The following PEBP4 variants were observed in gnomAD, a reference collection of about 807,000 sequenced individuals.
PEBP4 encodes phosphatidylethanolamine-binding protein 4.
Under a neutral mutation model 23.9 loss-of-function variants are expected in PEBP4, and 22 were observed. That is an observed-to-expected ratio of 0.92 (90% CI 0.66 to 1.31). The LOEUF is 1.31. Ranked by LOEUF, PEBP4 falls within the 40% of genes most tolerant of loss-of-function variation. The pLI is 0.00. For synonymous variants in PEBP4, 112 were observed against 99.3 expected (o/e 1.13, Z -0.76); for missense variants, 324 against 281.7 (o/e 1.15, Z -1.07).
chr8:22,772,698 C>T (rs185544299), intron 4 of PEBP4, among the ~76,000 whole-genome samples: 87 of 152,276 alleles, frequency 5.7e-4, no homozygotes, highest in Non-Finnish European at 1.0e-3. Flanking sequence ...GCGCAGGCCA[C>T]AGAGCTATGA....
upstream of PEBP4, among the ~76,000 whole-genome samples, chr8:22,930,088 G>T (rs1207000908): frequency 6.6e-6 from 1 of 152,116 alleles, no homozygotes; most frequent in East Asian, 1.9e-4. Context: ...CATTCCCTTT[G>T]CTCTTGGGAG....
At position 22,745,220 on chromosome 8, in the gene PEBP4, A is replaced by G. The variant is rs1251345052; in HGVS notation, c.358-18000T>C. Reference sequence around the variant, plus strand: ...GGCCTGGGGGCAGAAAGCTTTTGAGACAGGGACAGGCCACATTCTCCAGTG... The same window carrying G: ...GGCCTGGGGGCAGAAAGCTTTTGAGGCAGGGACAGGCCACATTCTCCAGTG... On this transcript the variant is annotated intron_variant, in intron 4 of 6. Transcript: ENST00000256404. Among the ~76,000 whole-genome samples the G allele has an allele frequency of 2.0e-5, 3 of 152,262 alleles. No individual in the cohort carries two copies. In the East Asian group the frequency reaches 5.8e-4, roughly 29 times the overall value.
chr8:22,785,261 C>T (rs1806005523), intron 4 of PEBP4, among the ~76,000 whole-genome samples: 1 of 152,176 alleles, frequency 6.6e-6, no homozygotes, highest in Non-Finnish European at 1.5e-5. Flanking sequence ...GCCGTTGGCC[C>T]TCAGCTGTCT....
At chr8:22,909,611 A>C (rs777683143) in intron 3 of PEBP4, among the ~76,000 whole-genome samples, 2 of 152,078 alleles carry the variant, frequency 1.3e-5, no homozygotes, top group Non-Finnish European at 2.9e-5. Flanking sequence ...AGTCCCTGGA[A>C]ACACCTCAGG....
intron 3 of PEBP4, among the ~76,000 whole-genome samples, chr8:22,836,468 CAT>C (rs1190716530): frequency 6.6e-6 from 1 of 152,260 alleles, no homozygotes; most frequent in Non-Finnish European, 1.5e-5. Flanking sequence ...ATGCTACAAA[CAT>C]ATACTTGTTG....
chr8:22,824,536 C>T (rs752978100), intron 3 of PEBP4, among the ~76,000 whole-genome samples: 1 of 152,194 alleles, frequency 6.6e-6, no homozygotes, highest in African/African-American at 2.4e-5. Flanking sequence ...AAGCACATTA[C>T]ATTTATTGTG....
upstream of PEBP4, among the ~76,000 whole-genome samples, chr8:22,930,747 C>T (rs1253393737): frequency 6.6e-6 from 1 of 152,130 alleles, no homozygotes; most frequent in African/African-American, 2.4e-5. Flanking sequence ...CCTGATCTTT[C>T]TCTTGGGGAT....
At chr8:22,828,592 C>G (rs535035864) in intron 3 of PEBP4, among the ~76,000 whole-genome samples, 1 of 152,266 alleles carries the variant, frequency 6.6e-6, no homozygotes, top group South Asian at 2.1e-4. Context: ...CCATAAACCT[C>G]AGGGTCAGGA....
chr8:22,722,195 T>C (rs1309094982), intron 6 of PEBP4, among the ~76,000 whole-genome samples: 1 of 149,942 alleles, frequency 6.7e-6, no homozygotes, highest in African/African-American at 2.5e-5. Context: ...AAAAAAAAAA[T>C]CTATGGTTTC....
chr8:22,805,732 G>T (rs532792800), intron 4 of PEBP4, among the ~76,000 whole-genome samples: 2 of 152,286 alleles, frequency 1.3e-5, no homozygotes, highest in East Asian at 3.9e-4. Flanking sequence ...TGGAAATACT[G>T]TGTACTCTGC....
At chr8:22,892,938 TC>T (rs1808522620) in intron 3 of PEBP4, among the ~76,000 whole-genome samples, 1 of 152,006 alleles carries the variant, frequency 6.6e-6, no homozygotes, top group Non-Finnish European at 1.5e-5. Flanking sequence ...GAGATAGAGC[TC>T]AAGTCCAAGG....
intron 2 of PEBP4, among the ~76,000 whole-genome samples, chr8:22,926,467 C>G (rs1809336583): frequency 6.6e-6 from 1 of 152,052 alleles, no homozygotes; most frequent in African/African-American, 2.4e-5. Flanking sequence ...ACCTCAACCT[C>G]TTGAGTAGCT....
chr8:22,740,637 T>C lies in PEBP4; in HGVS notation c.358-13417A>G, dbSNP rs534034091. Among the ~76,000 whole-genome samples the C allele has an allele frequency of 1.8e-4, 28 of 152,208 alleles. No homozygotes were observed. In the East Asian group the frequency reaches 3.9e-3, roughly 21 times the overall value. Reference sequence around the variant, plus strand: ...GTAGTGGCAGCTGTGGTGGGAACCATCTGAGCCCCGGTTCCTGATGGTACC... The same window carrying C: ...GTAGTGGCAGCTGTGGTGGGAACCACCTGAGCCCCGGTTCCTGATGGTACC... On this transcript the variant is annotated intron_variant, in intron 4 of 6. Transcript: ENST00000256404.
At chr8:22,744,569 C>G (rs11779833) in intron 4 of PEBP4, 27,712 of 152,348 alleles carry the variant, frequency 0.18, 2,804 homozygotes, top group East Asian at 0.47. Context: ...CCAAGCTCCC[C>G]TTTTCATGTC....
chr8:22,898,985 G>A (rs1013702962), intron 3 of PEBP4, among the ~76,000 whole-genome samples: 3 of 152,180 alleles, frequency 2.0e-5, no homozygotes, highest in African/African-American at 4.8e-5. Context: ...TTCCAAGGAG[G>A]TGTGGCTTGG....
chr8:22,764,656 G>C (rs1057462273), intron 4 of PEBP4, among the ~76,000 whole-genome samples: 2 of 151,814 alleles, frequency 1.3e-5, no homozygotes, highest in Non-Finnish European at 2.9e-5. Context: ...TGTGTGGTGG[G>C]GATTTGGAGC....
intron 4 of PEBP4, among the ~76,000 whole-genome samples, chr8:22,764,253 C>T (rs1174422811): frequency 6.6e-6 from 1 of 152,158 alleles, no homozygotes; most frequent in African/African-American, 2.4e-5. Context: ...ACACTTGAAT[C>T]TAATACACAC....
At chr8:22,743,913 GT>G (rs1290605080) in intron 4 of PEBP4, among the ~76,000 whole-genome samples, 1 of 152,202 alleles carries the variant, frequency 6.6e-6, no homozygotes, top group Non-Finnish European at 1.5e-5. Flanking sequence ...TGTTTTGCTT[GT>G]GAGGTCTCCC....
chr8:22,859,826 A>G (rs114321412), intron 3 of PEBP4, among the ~76,000 whole-genome samples: 3,582 of 151,876 alleles, frequency 0.024, 149 homozygotes, highest in African/African-American at 0.082. Flanking sequence ...CTTGCCTTAC[A>G]TCTTTGTTTT....
Sources: gnomAD v4.1 joint callset for allele counts (sites outside exome capture counted in the v4.1 genomes callset) on GRCh38, gnomAD v4.1.1 for gene constraint, MANE v1.5 for transcripts, NCBI Gene and HGNC (gene_info 2026-07-23, HGNC 2026-07-21) for gene names.